The following SMTN variants were observed in gnomAD, a reference collection of about 807,000 sequenced individuals.
SMTN encodes smoothelin.
Under a neutral mutation model 102.0 loss-of-function variants are expected in SMTN, and 58 were observed. The ratio of observed to expected loss-of-function variants is 0.57; its 90% CI spans 0.46 to 0.71. SMTN has a LOEUF of 0.71. Among genes scored for constraint, SMTN ranks in the 30% least tolerant of loss-of-function variants. SMTN has a pLI of 0.00. For missense variants in SMTN, 1,185 were observed against 1,241.7 expected (o/e 0.95, Z 0.69); for synonymous variants, 478 against 497.9 (o/e 0.96, Z 0.53).
At chr22:31,088,155 G>C (rs947335885) in intron 3 of SMTN, 42 bp downstream of exon 3, 1 of 1,553,866 alleles carries the variant, frequency 6.4e-7, no homozygotes, top group Non-Finnish European at 8.7e-7. Context: ...GAAGGTGAGT[G>C]TGAGCCCTGG....
chr22:31,098,959 AG>A (rs2043852072), intron 17 of SMTN, 102 bp from the exon 18 acceptor site: 1 of 1,537,672 alleles, frequency 6.5e-7, no homozygotes, highest in South Asian at 1.1e-5. Context: ...TGTGGTGCAA[AG>A]GCCCGAAGGT....
At chr22:31,093,624 GGC>G (rs781558848) in intron 11 of SMTN, 2 of 767,136 alleles carry the variant, frequency 2.6e-6, no homozygotes, top group Admixed American at 3.5e-5. Context: ...AAGAGCTGCG[GGC>G]AGAGAGAGCA....
intron 1 of SMTN, among the ~76,000 whole-genome samples, chr22:31,072,129 T>C (rs2042019104): frequency 6.6e-6 from 1 of 152,176 alleles, no homozygotes; most frequent in South Asian, 2.1e-4. Flanking sequence ...AGATCAGAGA[T>C]AGCATCATTT....
At chr22:31,077,734 G>A (rs2042164545), upstream of SMTN, among the ~76,000 whole-genome samples, 1 of 152,206 alleles carries the variant, frequency 6.6e-6, no homozygotes, top group Admixed American at 6.5e-5. Context: ...ATTCACTGCT[G>A]CCCAGTGGGC....
At chr22:31,070,943 A>G (rs75549529) in intron 1 of SMTN, among the ~76,000 whole-genome samples, 33,772 of 146,572 alleles carry the variant, frequency 0.23, 5,146 homozygotes, top group African/African-American at 0.43. Context: ...AAAAAAAAAG[A>G]AAAGAAAACG....
In SMTN at chr22:31,091,767, C is replaced by A; in HGVS notation, c.1552C>A (p.Leu518Met). ...TITRVNSPGTLARLGSVTHVT... is the reference protein window; with the variant it reads ...TITRVNSPGTMARLGSVTHVT... Reference sequence around the variant, plus strand: ...CACCCGTGTCAACAGCCCTGGGACCCTGGCTCGGCTGGGCAGTGTCACTCA... The same window carrying A: ...CACCCGTGTCAACAGCCCTGGGACCATGGCTCGGCTGGGCAGTGTCACTCA... The change falls in exon 11 of 21, where the codon CTG becomes ATG. Residue 518 changes from leucine (L) to methionine (M), a missense_variant. Around this residue, in one of 2 missense-constraint regions of SMTN, gnomAD observed 1,096 missense variants for 1,112.7 expected, o/e 0.98. Transcript: ENST00000333137. 2 of 1,611,472 alleles carry A rather than the reference C, an allele frequency of 1.2e-6. No homozygotes were observed. Among genetic ancestry groups the A allele is most frequent in the Non-Finnish European group, 8.5e-7 (1 of 1,178,820 alleles).
At chr22:31,098,510 A>C (rs2043782942) in intron 16 of SMTN, among the ~76,000 whole-genome samples, 157 bp from the exon 17 acceptor site, 1 of 152,056 alleles carries the variant, frequency 6.6e-6, no homozygotes, top group African/African-American at 2.4e-5. Flanking sequence ...TACTCCTCTA[A>C]AATGCGTGTG....
intron 18 of SMTN, chr22:31,099,510 A>G: frequency 1.7e-6 from 1 of 592,514 alleles, no homozygotes; most frequent in Non-Finnish European, 3.0e-6. Flanking sequence ...AGGCATGACC[A>G]TAGCCTTAGC....
chr22:31,095,674 CTG>C lies in SMTN; in HGVS notation c.1861+66_1861+67del. The C allele has an allele frequency of 1.4e-6, 2 of 1,440,094 alleles. No homozygotes were observed. Among genetic ancestry groups the C allele is most frequent in the Non-Finnish European group, 1.9e-6 (2 of 1,047,878 alleles). 89.2% of individuals were successfully genotyped at this position (1,440,094 alleles called of 1,614,324 possible). A position where few individuals can be genotyped will look rare whatever the true frequency, so the allele number is the denominator to read the frequency against. On this transcript the variant is annotated intron_variant, in intron 13 of 20. Coordinates refer to ENST00000333137, the MANE Select transcript of SMTN (RefSeq NM_134269.3). The surrounding 1 kb of genome is among the most constrained non-coding windows in gnomAD (Gnocchi z 4.1). ...ATTCCCCAGCTGCTCCCCTCATACTCTGGGGTCCATTTGTGGACACCCCAGCT... is the reference window on the plus strand; with the variant it reads ...ATTCCCCAGCTGCTCCCCTCATACTCGGGTCCATTTGTGGACACCCCAGCT...
intron 2 of SMTN, among the ~76,000 whole-genome samples, chr22:31,086,561 G>A (rs1193551918): frequency 6.6e-6 from 1 of 152,118 alleles, no homozygotes; most frequent in East Asian, 1.9e-4. Context: ...AAGTATGGGG[G>A]TGATGCTTAT....
intron 2 of SMTN, chr22:31,084,945 G>C: frequency 6.5e-6 from 9 of 1,384,542 alleles, no homozygotes; most frequent in Non-Finnish European, 8.4e-6. Context: ...CTCCCCGCGG[G>C]GCCGGGCCAT....
At chr22:31,096,201 A>G (rs1166979279) in intron 13 of SMTN, 4 of 163,488 alleles carry the variant, frequency 2.4e-5, no homozygotes, top group African/African-American at 7.2e-5. Flanking sequence ...ACCTACTTCT[A>G]TTTTAAGCCC....
intron 11 of SMTN, chr22:31,092,556 G>A (rs748537112): frequency 1.7e-5 from 8 of 470,938 alleles, no homozygotes; most frequent in Non-Finnish European, 3.5e-5. Flanking sequence ...CTAAACCAGG[G>A]ACTGAATGGG....
At chr22:31,091,561 C>T in intron 10 of SMTN, 79 bp downstream of exon 10, 1 of 1,508,648 alleles carries the variant, frequency 6.6e-7, no homozygotes, top group South Asian at 1.3e-5. Context: ...GTGCTGCGGC[C>T]AGGACTCAGG....
In SMTN at chr22:31,095,636, A is replaced by G. The variant is rs1433105905; in HGVS notation, c.1861+27A>G. ...TAGAGAGCCAGTTGCCCTACCCTAG[A>G]TCCAGCTGCCCCATTCCCCAGCTGC... is the stretch of plus-strand genomic sequence containing the variant. On this transcript the variant is annotated intron_variant, in intron 13 of 20. Transcript: ENST00000333137. This position sits in a 1 kb window ranked among gnomAD's most constrained non-coding sequence, Gnocchi z 4.1. 6.3e-7 allele frequency: 1 copy of G among 1,589,350 alleles called. No individual in the cohort carries two copies. The highest frequency in any genetic ancestry group is 2.3e-5 in the East Asian group (1 of 44,206).
intron 14 of SMTN, 21 bp downstream of exon 14, chr22:31,096,918 G>T: frequency 6.2e-7 from 1 of 1,607,006 alleles, no homozygotes; most frequent in Admixed American, 1.7e-5. Context: ...AAATGGGGCC[G>T]GCCCAGGGCT....
chr22:31,082,696 G>T (rs1251921448), intron 1 of SMTN: 8 of 645,654 alleles, frequency 1.2e-5, no homozygotes, highest in Middle Eastern at 3.5e-4. Flanking sequence ...ATACCTGGGG[G>T]AATGACAGTG....
chr22:31,083,255 C>T lies in SMTN; in HGVS notation c.-4C>T, dbSNP rs772039810. 1.4e-5 allele frequency: 23 copies of T among 1,597,964 alleles called. No individual in the cohort carries two copies. Among genetic ancestry groups the T allele is most frequent in the East Asian group, 2.3e-5 (1 of 44,210 alleles). On this transcript the variant is annotated 5_prime_UTR_variant, in exon 2 of 21. Coordinates refer to ENST00000333137, the MANE Select transcript of SMTN (RefSeq NM_134269.3). The stretch of plus-strand genomic sequence containing the variant: ...AGGAACCGACGGAGCTAGGGGCCAG[C>T]GAGATGGCGGACGAGGCCTTAGCTG...
At chr22:31,101,894 G>A (rs1602686562) in intron 20 of SMTN, 2 of 152,104 alleles carry the variant, frequency 1.3e-5, no homozygotes, top group East Asian at 1.9e-4. Flanking sequence ...GACCTTCCTC[G>A]GATGAGGCTT....
Sources: gnomAD v4.1 joint callset for allele counts (sites outside exome capture counted in the v4.1 genomes callset) on GRCh38, gnomAD v4.1.1 for gene constraint, gnomAD v4.1.1 regional missense constraint, Gnocchi (gnomAD v3.1) non-coding constraint, MANE v1.5 for transcripts, NCBI Gene and HGNC (gene_info 2026-07-23, HGNC 2026-07-21) for gene names.